TENM2: variants seen among roughly 807,000 people sequenced by gnomAD.
TENM2 encodes the protein teneurin transmembrane protein 2.
TENM2 carries 52 observed loss-of-function variants against 245.2 expected under a neutral mutation model. The observed-to-expected ratio is 0.21, with a 90% CI of 0.17 to 0.27. The LOEUF (loss-of-function observed/expected upper bound fraction) is 0.27. Among genes scored for constraint, TENM2 ranks in the 10% least tolerant of loss-of-function variants. TENM2 has a pLI of 1.00. For synonymous variants in TENM2, 1,363 were observed against 1,438.9 expected, an observed-to-expected ratio of 0.95 and a Z score of 1.19; for missense variants, 3,046 against 3,666.8, an observed-to-expected ratio of 0.83 and a Z score of 4.37.
intron 1 of TENM2, among the ~76,000 whole-genome samples, chr5:167,333,626 C>T (rs1245900680): frequency 1.6e-4 from 24 of 152,120 alleles, no homozygotes; most frequent in Non-Finnish European, 8.8e-5. Context: ...TAGAGGACTT[C>T]CAGTGAGGTG....
At chr5:167,836,282 T>G (rs1768978775) in intron 2 of TENM2, among the ~76,000 whole-genome samples, 1 of 152,198 alleles carries the variant, frequency 6.6e-6, no homozygotes, top group Non-Finnish European at 1.5e-5. Flanking sequence ...TTTAAATTTT[T>G]AATTGCCCTT....
At chr5:167,047,908 A>C in the TENM2 span, among the ~76,000 whole-genome samples, 1 of 152,124 alleles carries the variant, frequency 6.6e-6, no homozygotes, top group Non-Finnish European at 1.5e-5. Flanking sequence ...TGGGTAACTT[A>C]TCTGTGCTTC....
intron 2 of TENM2, among the ~76,000 whole-genome samples, chr5:167,504,166 G>C (rs1329930600): frequency 6.6e-6 from 1 of 152,114 alleles, no homozygotes; most frequent in African/African-American, 2.4e-5. Flanking sequence ...AATGAAAATT[G>C]TTAAAGTGCC....
chr5:168,180,734 AAAAAT>A (rs1198618141), intron 13 of TENM2, among the ~76,000 whole-genome samples: 8 of 152,086 alleles, frequency 5.3e-5, no homozygotes, highest in Non-Finnish European at 7.4e-5. Flanking sequence ...TGTCTCTACT[AAAAAT>A]AAAAATAAAA....
At chr5:167,329,656 C>T (rs997632873) in intron 1 of TENM2, among the ~76,000 whole-genome samples, 2 of 146,524 alleles carry the variant, frequency 1.4e-5, no homozygotes, top group African/African-American at 5.1e-5. Context: ...AGTGGGTAGA[C>T]ATTGGAATTA....
chr5:167,600,077 C>T (rs1229027188), intron 2 of TENM2, among the ~76,000 whole-genome samples: 1 of 20,098 alleles, frequency 5.0e-5, no homozygotes, highest in Non-Finnish European at 1.5e-4. Context: ...ACCCAGGAGG[C>T]GGAGTTTGCT....
chr5:167,945,884 C>T (rs1359335698), intron 3 of TENM2, among the ~76,000 whole-genome samples: 1 of 152,084 alleles, frequency 6.6e-6, no homozygotes, highest in Non-Finnish European at 1.5e-5. Context: ...CTGGAGCCAG[C>T]GGCTGGGGAG....
rs555528307 is a variant in TENM2 at position 167,975,455 on chromosome 5, T to G, written c.948-17489T>G. Among the ~76,000 whole-genome samples the G allele has an allele frequency of 1.4e-3, 216 of 151,536 alleles. 1 individual carries two copies. Among genetic ancestry groups the G allele is most frequent in the African/African-American group, 4.9e-3 (203 of 41,282 alleles). On this transcript the variant is annotated intron_variant, in intron 4 of 28. Coordinates refer to ENST00000518659, the Ensembl canonical transcript of TENM2. Reference sequence around the variant, plus strand: ...GATGGTTACCTTTCTTAGTGGCATTTTTTTTTTTTTGACGACTGAAATATA... The same window carrying G: ...GATGGTTACCTTTCTTAGTGGCATTGTTTTTTTTTTGACGACTGAAATATA...
At chr5:167,192,189 G>T in the TENM2 span, among the ~76,000 whole-genome samples, 1 of 152,016 alleles carries the variant, frequency 6.6e-6, no homozygotes, top group Non-Finnish European at 1.5e-5. Context: ...TGCTGAGTCT[G>T]GGTAGCAGTA....
intron 2 of TENM2, among the ~76,000 whole-genome samples, chr5:167,866,824 C>G (rs565485617): frequency 9.7e-4 from 148 of 152,288 alleles, no homozygotes; most frequent in Middle Eastern, 6.8e-3. Flanking sequence ...GCTATGCTGT[C>G]CAACATGGTA....
At chr5:167,932,803 C>A (rs1013752759) in intron 3 of TENM2, among the ~76,000 whole-genome samples, 1 of 152,134 alleles carries the variant, frequency 6.6e-6, no homozygotes, top group African/African-American at 2.4e-5. Context: ...ATAAAACATT[C>A]TTAGCTCGGC....
chr5:168,156,495 G>A lies in TENM2; in HGVS notation c.2423-6116G>A, dbSNP rs566596526. ...ATATTAAAATCCTATTTCTCTCTTC[G>A]TACCCCTCATGCATTATTAGCCACT... is the stretch of plus-strand genomic sequence containing the variant. On this transcript the variant is annotated intron_variant, in intron 12 of 28. Coordinates refer to ENST00000518659, the Ensembl canonical transcript of TENM2. 1.8e-4 allele frequency among the ~76,000 whole-genome samples: 28 copies of A among 151,926 alleles called. No homozygotes were observed. The South Asian group carries it at 5.0e-3, about 27-fold the overall frequency.
At chr5:167,080,838 C>T in the TENM2 span, among the ~76,000 whole-genome samples, 49,109 of 151,632 alleles carry the variant, frequency 0.32, 9,293 homozygotes, top group Non-Finnish European at 0.45. Flanking sequence ...TAGCCTGATG[C>T]CAGTATAGTT....
intron 7 of TENM2, among the ~76,000 whole-genome samples, chr5:168,083,652 T>G (rs1792192963): frequency 6.6e-6 from 1 of 151,506 alleles, no homozygotes; most frequent in Non-Finnish European, 1.5e-5. Context: ...AATTCTAAAT[T>G]AGTAAATCAG....
the TENM2 span, among the ~76,000 whole-genome samples, chr5:167,274,984 C>A: frequency 1.3e-5 from 2 of 151,540 alleles, no homozygotes; most frequent in African/African-American, 2.4e-5. Context: ...GGTCATTTAC[C>A]CTGTCAGAAG....
chr5:167,918,826 A>G (rs1323440789), intron 3 of TENM2, among the ~76,000 whole-genome samples: 2 of 149,916 alleles, frequency 1.3e-5, no homozygotes, highest in Non-Finnish European at 3.0e-5. Context: ...AAGGAGCAGG[A>G]GAATGAAGCC....
chr5:167,452,731 T>G (rs1378550002), intron 2 of TENM2, among the ~76,000 whole-genome samples: 1 of 150,716 alleles, frequency 6.6e-6, no homozygotes, highest in Non-Finnish European at 1.5e-5. Flanking sequence ...AATTGAACAA[T>G]GAGACCACTT....
chr5:167,996,257 T>C (rs1784039612), intron 5 of TENM2, among the ~76,000 whole-genome samples: 1 of 151,926 alleles, frequency 6.6e-6, no homozygotes, highest in Non-Finnish European at 1.5e-5. Flanking sequence ...CTTTACGAGC[T>C]CAGCAGAGAT....
chr5:167,750,407 A>G (rs1761882354), intron 2 of TENM2, among the ~76,000 whole-genome samples: 1 of 152,008 alleles, frequency 6.6e-6, no homozygotes, highest in African/African-American at 2.4e-5. Context: ...TGACAAAGGC[A>G]TTGTCCTCGT....
Sources: gnomAD v4.1 joint callset for allele counts (sites outside exome capture counted in the v4.1 genomes callset) on GRCh38, gnomAD v4.1.1 for gene constraint, MANE v1.5 for transcripts, NCBI Gene and HGNC (gene_info 2026-07-23, HGNC 2026-07-21) for gene names.